Variants in TRIM37 observed in about 807,000 individuals in gnomAD.
TRIM37 encodes the protein E3 ubiquitin-protein ligase TRIM37.
TRIM37 carries 80 observed loss-of-function variants against 129.8 expected under a neutral mutation model. That is an observed-to-expected ratio of 0.62 (90% CI 0.51 to 0.74). The LOEUF (loss-of-function observed/expected upper bound fraction) is 0.74. Among genes scored for constraint, TRIM37 ranks in the 30% least tolerant of loss-of-function variants. The probability of loss-of-function intolerance (pLI) is 0.00; values close to 1 mark genes in which losing one functional copy is unlikely to be tolerated. For synonymous variants in TRIM37, 389 were observed against 387.1 expected (o/e 1.00, Z -0.06); for missense variants, 1,054 against 1,176.5 (o/e 0.90, Z 1.52).
At chr17:59,076,775 A>G (rs1361026317) in intron 7 of TRIM37, among the ~76,000 whole-genome samples, 1 of 151,924 alleles carries the variant, frequency 6.6e-6, no homozygotes, top group Non-Finnish European at 1.5e-5. Flanking sequence ...TAATAGGTAG[A>G]ACTTTTATTT....
chr17:59,089,322 T>C (rs2044065394), intron 3 of TRIM37, among the ~76,000 whole-genome samples: 4 of 152,004 alleles, frequency 2.6e-5, no homozygotes, highest in African/African-American at 9.7e-5. Context: ...TAGCCACATG[T>C]GACTCTTTTA....
Position 59,079,893 on chromosome 17 carries a change from G to A in TRIM37, c.493-16C>T. 1 of 1,612,848 alleles carries A rather than the reference G, an allele frequency of 6.2e-7. No individual in the cohort carries two copies. Among genetic ancestry groups the A allele is most frequent in the Non-Finnish European group, 8.5e-7 (1 of 1,179,188 alleles). On this transcript the variant is annotated splice_polypyrimidine_tract_variant and intron_variant, in intron 6 of 23. Coordinates refer to ENST00000262294, the MANE Select transcript of TRIM37 (RefSeq NM_015294.6). ...CATTCCTTTCCTAGAAGATAAAGAG[G>A]TAAGAATAATTTTAATTGGGTAAAT...
intron 4 of TRIM37, among the ~76,000 whole-genome samples, chr17:59,086,430 G>A (rs9889935): frequency 0.33 from 49,680 of 151,628 alleles, 8,752 homozygotes; most frequent in Middle Eastern, 0.49. Flanking sequence ...ATACAGACAG[G>A]GTTTCACCAT....
At chr17:58,988,929 T>A (rs1004449898) in intron 24 of TRIM37, among the ~76,000 whole-genome samples, 2 of 152,308 alleles carry the variant, frequency 1.3e-5, no homozygotes, top group Non-Finnish European at 2.9e-5. Flanking sequence ...AAAACCACAA[T>A]TACTTTTCCA....
chr17:58,998,594 TAAA>T lies in TRIM37; in HGVS notation c.*780_*782del, dbSNP rs2033260975. ...GAAATCAATGTACAACTAATGAAAA[TAAA>T]GAAGAAAAGGGGGCTTTAAAATATT... On this transcript the variant is annotated 3_prime_UTR_variant, in exon 24 of 24. Coordinates refer to ENST00000262294, the MANE Select transcript of TRIM37 (RefSeq NM_015294.6). 2.0e-6 allele frequency: 2 copies of T among 985,090 alleles called. No individual in the cohort carries two copies. Among genetic ancestry groups the T allele is most frequent in the South Asian group, 4.7e-5 (1 of 21,288 alleles). 61.0% of individuals were successfully genotyped at this position (985,090 alleles called of 1,614,324 possible). A position where few individuals can be genotyped will look rare whatever the true frequency, so the allele number is the denominator to read the frequency against.
At chr17:59,053,237 A>G (rs552568945) in intron 13 of TRIM37, among the ~76,000 whole-genome samples, 13 of 152,228 alleles carry the variant, frequency 8.5e-5, no homozygotes, top group Non-Finnish European at 1.5e-4. Context: ...TTCTGTTTTA[A>G]TGAAAGAATG....
intron 5 of TRIM37, 103 bp from the exon 6 acceptor site, chr17:59,081,322 A>G: frequency 1.3e-6 from 2 of 1,488,524 alleles, no homozygotes; most frequent in Non-Finnish European, 1.8e-6. Context: ...AAATCTCTCA[A>G]ATGAACTTTA....
chr17:59,003,878 G>A, intron 22 of TRIM37, among the ~76,000 whole-genome samples: 1 of 146,078 alleles, frequency 6.8e-6, no homozygotes, highest in East Asian at 2.0e-4. Flanking sequence ...TTGAGCCCAG[G>A]AGTTTGGGAC....
At position 58,999,378 on chromosome 17, in the gene TRIM37, T is replaced by C; in HGVS notation, c.2894A>G (p.Ter965=). 1 of 1,613,984 alleles carries C rather than the reference T, an allele frequency of 6.2e-7. No homozygotes were observed. The highest frequency in any genetic ancestry group is 8.5e-7 in the Non-Finnish European group (1 of 1,179,934). ...AAGTCAGTTCTCTTGATTTGGCAAT[T>C]ACCTTCCACTATTTTCATCTGTATT... ...SFNTDENSGR[*] is the part of the protein sequence containing the mutation. The change falls in exon 24 of 24, where the codon TAA becomes TGA. Residue 965 remains the stop codon, a stop_retained_variant. Coordinates refer to ENST00000262294, the MANE Select transcript of TRIM37 (RefSeq NM_015294.6).
Position 59,081,953 on chromosome 17 carries a change from TA to T in TRIM37, c.370-735del, listed in dbSNP as rs762912390. Among the ~76,000 whole-genome samples the T allele has an allele frequency of 5.4e-3, 607 of 113,312 alleles. 2 individuals carry two copies. Among genetic ancestry groups the T allele is most frequent in the African/African-American group, 9.9e-3 (256 of 25,882 alleles). The allele number at this position is 113,312 out of a possible 152,430, so 74.3% of individuals were successfully genotyped here. A position where few individuals can be genotyped will look rare whatever the true frequency, so the allele number is the denominator to read the frequency against. ...AATAAAAACCAAAAAAAAAAAAAAA[TA>T]AAAAAAAAAAAATAATAATAATAAT... On this transcript the variant is annotated intron_variant, in intron 5 of 23. Transcript: ENST00000262294.
At chr17:58,978,383 C>T (rs901941781), downstream of TRIM37, among the ~76,000 whole-genome samples, 1 of 152,040 alleles carries the variant, frequency 6.6e-6, no homozygotes, top group East Asian at 1.9e-4. Context: ...GCTCAGTACC[C>T]TGTGTGTGGT....
Position 59,056,747 on chromosome 17 carries a change from A to AAAAAAAAAG in TRIM37, c.1199+127_1199+128insCTTTTTTTT. The AAAAAAAAAG allele has an allele frequency of 4.7e-6, 2 of 427,110 alleles. 1 individual carries two copies. The highest frequency in any genetic ancestry group is 8.2e-6 in the Non-Finnish European group (2 of 242,880). 26.5% of individuals were successfully genotyped at this position (427,110 alleles called of 1,614,324 possible). On this transcript the variant is annotated intron_variant, in intron 13 of 23. Coordinates refer to ENST00000262294, the MANE Select transcript of TRIM37 (RefSeq NM_015294.6). Reference sequence around the variant, plus strand: ...AAAAAAAAAAAAAAAAAAAAAAAAAAGGTGATAAGGTTATAGTTAGTATGA... The same window carrying AAAAAAAAAG: ...AAAAAAAAAAAAAAAAAAAAAAAAAAAAAAAAAAGGGTGATAAGGTTATAGTTAGTATGA...
intron 18 of TRIM37, among the ~76,000 whole-genome samples, chr17:59,030,292 A>T (rs999367245): frequency 3.9e-5 from 6 of 151,922 alleles, no homozygotes; most frequent in African/African-American, 1.5e-4. Context: ...TTTTTAGTAG[A>T]GACAGGGTTT....
At chr17:59,069,143 T>C (rs2042159002) in intron 9 of TRIM37, among the ~76,000 whole-genome samples, 1 of 151,976 alleles carries the variant, frequency 6.6e-6, no homozygotes, top group South Asian at 2.1e-4. Flanking sequence ...GGTGAGGAGT[T>C]TGAGACCAGC....
chr17:59,042,232 TG>T (rs1356535602), intron 16 of TRIM37, among the ~76,000 whole-genome samples: 2 of 149,646 alleles, frequency 1.3e-5, no homozygotes, highest in Non-Finnish European at 3.0e-5. Flanking sequence ...AAAAATTAGC[TG>T]GGTGTGGTGG....
chr17:59,101,926 A>G (rs2147626760), intron 2 of TRIM37, among the ~76,000 whole-genome samples: 1 of 150,932 alleles, frequency 6.6e-6, no homozygotes, highest in Non-Finnish European at 1.5e-5. Context: ...GCAACAGAGC[A>G]AGAATCCATC....
the TRIM37 span, chr17:58,973,062 A>G: frequency 1.2e-5 from 7 of 597,224 alleles, no homozygotes; most frequent in Non-Finnish European, 1.5e-5. Context: ...ATAATTGGAT[A>G]ACGTCTCTTT....
rs12947982 is a variant in TRIM37 at position 59,062,940 on chromosome 17, A to G, written c.861-292T>C. Among the ~76,000 whole-genome samples, 36,694 of 152,110 alleles carry G rather than the reference A, an allele frequency of 0.24. 4,722 individuals are homozygous for G. The highest frequency in any genetic ancestry group is 0.33 in the African/African-American group (13,692 of 41,488). Reference sequence around the variant, plus strand: ...AAAGGAATGTATCACCAAGTCTCCCAAAATTAATTAATGCTTCAACAAGCA... The same window carrying G: ...AAAGGAATGTATCACCAAGTCTCCCGAAATTAATTAATGCTTCAACAAGCA... On this transcript the variant is annotated intron_variant, in intron 10 of 23. Transcript: ENST00000262294.
intron 24 of TRIM37, among the ~76,000 whole-genome samples, chr17:58,991,639 G>A (rs995818034): frequency 6.6e-6 from 1 of 152,122 alleles, no homozygotes; most frequent in Non-Finnish European, 1.5e-5. Context: ...AATATAGATG[G>A]AAAAGTTCTG....
Sources: allele counts gnomAD v4.1 joint callset (sites outside exome capture counted in the v4.1 genomes callset), GRCh38; gene constraint gnomAD v4.1.1; transcripts MANE v1.5; gene names NCBI Gene and HGNC (gene_info 2026-07-23, HGNC 2026-07-21).